CHD1L: variants seen among roughly 807,000 people sequenced by gnomAD.
CHD1L encodes the protein chromodomain helicase DNA binding protein 1 like, also known as ATP-dependent chromatin remodeler CHD1L.
In CHD1L, 118 loss-of-function variants were observed where a neutral mutation model predicts 115.9. That is an observed-to-expected ratio of 1.02 (90% CI 0.88 to 1.19). The LOEUF (loss-of-function observed/expected upper bound fraction) is 1.19. Among genes scored for constraint, CHD1L ranks in the 50% most tolerant of loss-of-function variants. The probability of loss-of-function intolerance (pLI) is 0.00; values close to 1 mark genes in which losing one functional copy is unlikely to be tolerated. For missense variants in CHD1L, 1,179 were observed against 1,065.3 expected (o/e 1.11, Z -1.49); for synonymous variants, 411 against 387.1 (o/e 1.06, Z -0.72).
chr1:147,293,270 C>T (rs1686259825), intron 20 of CHD1L, among the ~76,000 whole-genome samples: 1 of 151,828 alleles, frequency 6.6e-6, no homozygotes, highest in Non-Finnish European at 1.5e-5. Flanking sequence ...ATACAGGAGC[C>T]TCTAAGATCT....
rs59371947 is a variant in CHD1L at position 147,270,624 on chromosome 1, T to C, written c.1086-308T>C. The stretch of plus-strand genomic sequence containing the variant: ...CTTATATTTCTTTCCATTGAGCAAA[T>C]TGACATTCCAGAAAGAGGCACCTTG... On this transcript the variant is annotated intron_variant, in intron 10 of 22. Transcript: ENST00000369258. Among the ~76,000 whole-genome samples, 1,129 of 152,214 alleles carry C rather than the reference T, an allele frequency of 7.4e-3. 15 individuals carry two copies. Among genetic ancestry groups the C allele is most frequent in the African/African-American group, 0.026 (1,075 of 41,528 alleles).
At position 147,266,646 on chromosome 1, in the gene CHD1L, CAACT is replaced by C. The variant is rs1316391305; in HGVS notation, c.895+560_895+563del. On this transcript the variant is annotated intron_variant, in intron 8 of 22. Transcript: ENST00000369258. Reference sequence around the variant, plus strand: ...GTCATGGTATCACAGTGCTTTTGTTCAACTGATCTTTATTTTACTTAAAAATGGC... The same window carrying C: ...GTCATGGTATCACAGTGCTTTTGTTCGATCTTTATTTTACTTAAAAATGGC... Among the ~76,000 whole-genome samples the C allele has an allele frequency of 2.6e-5, 4 of 152,140 alleles. 1 individual carries two copies. The highest frequency in any genetic ancestry group is 5.9e-5 in the Non-Finnish European group (4 of 68,026).
the CHD1L span, among the ~76,000 whole-genome samples, chr1:147,236,350 T>G: frequency 6.6e-6 from 1 of 152,192 alleles, no homozygotes; most frequent in Admixed American, 6.5e-5. Flanking sequence ...TGGCAAGCAA[T>G]GGGCATGTTT....
the CHD1L span, chr1:147,214,750 C>G: frequency 6.6e-6 from 1 of 151,844 alleles, no homozygotes; most frequent in Non-Finnish European, 1.5e-5. Context: ...CCATGTAACT[C>G]TCTATTTTTA....
chr1:147,186,899 A>T, the CHD1L span: 1 of 1,609,884 alleles, frequency 6.2e-7, no homozygotes, highest in Non-Finnish European at 8.5e-7. Flanking sequence ...CAATAGGACA[A>T]CTAGAAGTAA....
At chr1:147,196,964 C>G in the CHD1L span, among the ~76,000 whole-genome samples, 1 of 152,144 alleles carries the variant, frequency 6.6e-6, no homozygotes, top group Non-Finnish European at 1.5e-5. Flanking sequence ...CAGGCTCGTA[C>G]TGACCTATTT....
chr1:147,223,924 C>A, the CHD1L span: 18 of 368,228 alleles, frequency 4.9e-5, no homozygotes, highest in East Asian at 1.5e-3. Flanking sequence ...AAGCTGCTAG[C>A]AAAGGGGATA....
intron 19 of CHD1L, 30 bp downstream of exon 19, chr1:147,287,763 G>A (rs915586230): frequency 6.3e-7 from 1 of 1,589,950 alleles, no homozygotes; most frequent in Non-Finnish European, 8.6e-7. Flanking sequence ...GAAAGGTTAA[G>A]GGTGGAATAA....
At chr1:147,229,920 G>A in the CHD1L span, among the ~76,000 whole-genome samples, 1 of 151,352 alleles carries the variant, frequency 6.6e-6, no homozygotes, top group Non-Finnish European at 1.5e-5. Context: ...CTGAGACAAT[G>A]GGGTTTTCTA....
Position 147,243,063 on chromosome 1 carries a change from C to G in CHD1L, c.127+233C>G, listed in dbSNP as rs1478989251. 8 of 386,798 alleles carry G rather than the reference C, an allele frequency of 2.1e-5. No individual in the cohort carries two copies. In the South Asian group the frequency reaches 1.1e-3, roughly 52 times the overall value. The allele number at this position is 386,798 out of a possible 1,614,324, so 24.0% of individuals were successfully genotyped here. A position where few individuals can be genotyped will look rare whatever the true frequency, so the allele number is the denominator to read the frequency against. Reference sequence around the variant, plus strand: ...ACGCCAGATGAATGAGGTCGCGGGCCCGGTAGCCAGGCCTGGCCCCTGGCC... The same window carrying G: ...ACGCCAGATGAATGAGGTCGCGGGCGCGGTAGCCAGGCCTGGCCCCTGGCC... On this transcript the variant is annotated intron_variant, in intron 1 of 22. Coordinates refer to ENST00000369258, the MANE Select transcript of CHD1L (RefSeq NM_004284.6).
upstream of CHD1L, among the ~76,000 whole-genome samples, chr1:147,239,201 C>T (rs587764344): frequency 1.5e-3 from 223 of 152,262 alleles, 1 homozygote; most frequent in African/African-American, 5.1e-3. Flanking sequence ...CCCCCCTCCC[C>T]TTTCTAAACC....
chr1:147,220,060 G>T, the CHD1L span, among the ~76,000 whole-genome samples: 7 of 152,074 alleles, frequency 4.6e-5, no homozygotes, highest in South Asian at 1.5e-3. Flanking sequence ...GGCTGGTCTC[G>T]ATCTCCTGAC....
chr1:147,252,667 G>T lies in CHD1L; in HGVS notation c.172G>T (p.Ala58Ser). The T allele has an allele frequency of 6.2e-7, 1 of 1,613,402 alleles. No individual in the cohort carries two copies. The highest frequency in any genetic ancestry group is 1.1e-5 in the South Asian group (1 of 91,014). ...SYQLEGVNWLAQRFHCQNGCI... is the reference protein window; with the variant it reads ...SYQLEGVNWLSQRFHCQNGCI... Reference sequence around the variant, plus strand: ...CCAGCTGGAGGGAGTAAACTGGCTCGCCCAGCGCTTCCATTGTCAGAATGG... The same window carrying T: ...CCAGCTGGAGGGAGTAAACTGGCTCTCCCAGCGCTTCCATTGTCAGAATGG... The change falls in exon 2 of 23, where the codon GCC becomes TCC. Residue 58 changes from alanine (A) to serine (S), a missense_variant. Transcript: ENST00000369258.
At chr1:147,184,366 A>G in the CHD1L span, 1 of 1,035,680 alleles carries the variant, frequency 9.7e-7, no homozygotes, top group African/African-American at 1.6e-5. This position sits in a 1 kb window ranked among gnomAD's most constrained non-coding sequence, Gnocchi z 4.4. Flanking sequence ...ATTTGTCACA[A>G]CTAATAAACC....
chr1:147,207,863 C>T, the CHD1L span, among the ~76,000 whole-genome samples: 1 of 152,156 alleles, frequency 6.6e-6, no homozygotes, highest in Non-Finnish European at 1.5e-5. Context: ...ATCCCTGGGT[C>T]AGGAGGTAAT....
chr1:147,271,400 TAAC>T (rs1553952998), intron 11 of CHD1L, among the ~76,000 whole-genome samples: 1 of 152,170 alleles, frequency 6.6e-6, no homozygotes, highest in Non-Finnish European at 1.5e-5. Context: ...ATTATAGAGA[TAAC>T]AAATAAGCCA....
chr1:147,187,701 C>T, the CHD1L span, among the ~76,000 whole-genome samples: 1 of 152,064 alleles, frequency 6.6e-6, no homozygotes, highest in Non-Finnish European at 1.5e-5. Flanking sequence ...TTCCCAGGGC[C>T]AATGTTAATT....
the CHD1L span, among the ~76,000 whole-genome samples, chr1:147,185,562 T>A: frequency 2.0e-5 from 3 of 152,180 alleles, no homozygotes; most frequent in Admixed American, 6.5e-5. Context: ...ATTGTTCAAA[T>A]GTTTAAATAA....
the CHD1L span, chr1:147,208,841 T>G: frequency 2.5e-6 from 4 of 1,612,386 alleles, no homozygotes; most frequent in East Asian, 8.9e-5. Flanking sequence ...ACTCCCATCC[T>G]GGGAACATAC....
Sources: gnomAD v4.1 joint callset for allele counts (sites outside exome capture counted in the v4.1 genomes callset) on GRCh38, gnomAD v4.1.1 for gene constraint, Gnocchi (gnomAD v3.1) non-coding constraint, MANE v1.5 for transcripts, NCBI Gene and HGNC (gene_info 2026-07-23, HGNC 2026-07-21) for gene names.